CCDC149: variants seen among roughly 807,000 people sequenced by gnomAD.
CCDC149 encodes the protein coiled-coil domain containing 149, also known as coiled-coil domain-containing protein 149.
In CCDC149, 45 loss-of-function variants were observed where a neutral mutation model predicts 59.9. The observed-to-expected ratio is 0.75, with a 90% CI of 0.59 to 0.96. The LOEUF is 0.96. Ranked by LOEUF, CCDC149 falls within the 40% of genes least tolerant of loss-of-function variation. The pLI, the probability that CCDC149 is intolerant of heterozygous loss-of-function variation, is 0.00. For missense variants in CCDC149, 584 were observed against 664.7 expected (o/e 0.88, Z 1.33); for synonymous variants, 245 against 260.6 (o/e 0.94, Z 0.58).
intron 1 of CCDC149, among the ~76,000 whole-genome samples, chr4:24,883,042 T>C (rs1719941361): frequency 6.6e-6 from 1 of 152,160 alleles, no homozygotes; most frequent in African/African-American, 2.4e-5. Flanking sequence ...CCTTATCCTT[T>C]AGAGTCAGCA....
chr4:24,961,730 A>C (rs1223274223), intron 1 of CCDC149, among the ~76,000 whole-genome samples: 1 of 152,238 alleles, frequency 6.6e-6, no homozygotes, highest in Non-Finnish European at 1.5e-5. Flanking sequence ...TATTTAATAT[A>C]TGGTGCTGGG....
intron 1 of CCDC149, among the ~76,000 whole-genome samples, chr4:24,927,152 A>T (rs1389095202): frequency 1.3e-5 from 2 of 152,198 alleles, no homozygotes; most frequent in Non-Finnish European, 2.9e-5. Context: ...AAAGGAGTAC[A>T]TGAGATGTGA....
At chr4:24,893,612 A>ATTTTTTTTTTTTTTTTTTTT (rs1560241640) in intron 1 of CCDC149, among the ~76,000 whole-genome samples, 8 of 9,374 alleles carry the variant, frequency 8.5e-4, no homozygotes, top group Admixed American at 1.7e-3. Context: ...TAAAATACAG[A>ATTTTTTTTTTTTTTTTTTTT]CTTTTTTTTT....
In CCDC149 at chr4:24,955,052, T is replaced by C. The variant is rs117535709; in HGVS notation, c.-65+25017A>G. ...GCTGGTATTTGTTATAGCAACACCCTGCTTCTGGTACCAACTTTTGTCTTA... is the reference window on the plus strand; with the variant it reads ...GCTGGTATTTGTTATAGCAACACCCCGCTTCTGGTACCAACTTTTGTCTTA... On this transcript the variant is annotated intron_variant, in intron 1 of 12. Transcript: ENST00000389609. Among the ~76,000 whole-genome samples, 49 of 152,352 alleles carry C rather than the reference T, an allele frequency of 3.2e-4. No homozygotes were observed. In the East Asian group the frequency reaches 7.3e-3, roughly 23 times the overall value.
chr4:24,824,246 C>T (rs1297282891), intron 9 of CCDC149, among the ~76,000 whole-genome samples: 1 of 152,144 alleles, frequency 6.6e-6, no homozygotes, highest in Non-Finnish European at 1.5e-5. Context: ...TCCTGGTGTC[C>T]CCAGCAATCT....
At chr4:24,821,441 C>T (rs1012559427) in intron 10 of CCDC149, among the ~76,000 whole-genome samples, 2 of 152,194 alleles carry the variant, frequency 1.3e-5, no homozygotes, top group Non-Finnish European at 2.9e-5. Context: ...TCATTCAAAT[C>T]CCCAGGACTG....
intron 8 of CCDC149, among the ~76,000 whole-genome samples, chr4:24,834,246 A>T (rs978098117): frequency 1.3e-5 from 2 of 152,136 alleles, no homozygotes; most frequent in Admixed American, 6.5e-5. Flanking sequence ...TGCACTATCA[A>T]CAACCAAAAA....
intron 1 of CCDC149, among the ~76,000 whole-genome samples, chr4:24,919,902 C>T (rs1436041331): frequency 1.3e-5 from 2 of 152,140 alleles, no homozygotes; most frequent in African/African-American, 4.8e-5. Context: ...AGTAACTTAG[C>T]ACATAGAAAT....
intron 3 of CCDC149, among the ~76,000 whole-genome samples, chr4:24,856,875 C>T (rs1375800276): frequency 6.6e-6 from 1 of 152,192 alleles, no homozygotes; most frequent in Non-Finnish European, 1.5e-5. Flanking sequence ...AGATGGAGGG[C>T]CAGGCCATTG....
At chr4:24,841,657 C>G (rs548983879) in intron 4 of CCDC149, among the ~76,000 whole-genome samples, 16 of 152,212 alleles carry the variant, frequency 1.1e-4, no homozygotes, top group Non-Finnish European at 2.4e-4. Context: ...TCCTGCCTTC[C>G]GAGCTGACAG....
intron 1 of CCDC149, among the ~76,000 whole-genome samples, chr4:24,963,262 G>T (rs73105519): frequency 0.028 from 4,307 of 151,692 alleles, 145 homozygotes; most frequent in African/African-American, 0.08. Context: ...GCCAAGGTAG[G>T]TCAGTAAGAC....
Position 24,857,996 on chromosome 4 carries a change from C to T in CCDC149, c.265-4817G>A, listed in dbSNP as rs116478181. Among the ~76,000 whole-genome samples the T allele has an allele frequency of 3.0e-3, 453 of 152,224 alleles. 3 individuals are homozygous for T. Among genetic ancestry groups the T allele is most frequent in the African/African-American group, 0.01 (422 of 41,518 alleles). On this transcript the variant is annotated intron_variant, in intron 3 of 12. Coordinates refer to ENST00000635206, the MANE Select transcript of CCDC149 (RefSeq NM_001330643.2). The stretch of plus-strand genomic sequence containing the variant: ...AGAAAATGACTATTCTGATATGGTG[C>T]CTAATTCCTTGACATACACCTTAAA...
intron 1 of CCDC149, chr4:24,895,151 A>G: frequency 2.5e-6 from 2 of 791,724 alleles, no homozygotes; most frequent in Admixed American, 2.0e-5. Flanking sequence ...AAAACAGCAT[A>G]TGATACTGGA....
chr4:24,821,272 A>T (rs1018895466), intron 10 of CCDC149, among the ~76,000 whole-genome samples, 185 bp from the exon 11 acceptor site: 17 of 152,196 alleles, frequency 1.1e-4, no homozygotes, highest in South Asian at 6.2e-4. Flanking sequence ...TTGAGAAAAA[A>T]AAAAATAAAA....
At chr4:24,897,693 G>C (rs949702128) in intron 1 of CCDC149, among the ~76,000 whole-genome samples, 1 of 152,196 alleles carries the variant, frequency 6.6e-6, no homozygotes, top group Non-Finnish European at 1.5e-5. Flanking sequence ...ATGCTCTGAA[G>C]GCCAGAGAGG....
chr4:24,848,036 T>C (rs553020730), intron 4 of CCDC149, among the ~76,000 whole-genome samples: 47 of 152,232 alleles, frequency 3.1e-4, no homozygotes, highest in African/African-American at 1.0e-3. Context: ...AAATATTAAA[T>C]GGAAAATCCC....
chr4:24,949,562 C>T (rs778635077), intron 1 of CCDC149, among the ~76,000 whole-genome samples: 1 of 152,140 alleles, frequency 6.6e-6, no homozygotes, highest in Non-Finnish European at 1.5e-5. Context: ...AGATGCTGTG[C>T]TAGGTTCTGA....
At chr4:24,960,069 G>A (rs1723594892) in intron 1 of CCDC149, among the ~76,000 whole-genome samples, 2 of 152,264 alleles carry the variant, frequency 1.3e-5, no homozygotes, top group East Asian at 1.9e-4. Flanking sequence ...ACAATGAATT[G>A]TGGAGTTTAT....
chr4:24,903,906 T>C (rs1327357061), intron 1 of CCDC149, among the ~76,000 whole-genome samples: 3 of 151,942 alleles, frequency 2.0e-5, no homozygotes, highest in African/African-American at 4.8e-5. Context: ...GTTCAAGCGA[T>C]TCTCCTGCCT....
Sources: gnomAD v4.1 joint callset for allele counts (sites outside exome capture counted in the v4.1 genomes callset) on GRCh38, gnomAD v4.1.1 for gene constraint, MANE v1.5 for transcripts, NCBI Gene and HGNC (gene_info 2026-07-23, HGNC 2026-07-21) for gene names.